CSMD2: variants seen among roughly 807,000 people sequenced by gnomAD.
The protein encoded by CSMD2 is CUB and Sushi multiple domains 2.
Under a neutral mutation model 398.5 loss-of-function variants are expected in CSMD2, and 130 were observed. That is an observed-to-expected ratio of 0.33 (90% CI 0.28 to 0.38). The LOEUF (loss-of-function observed/expected upper bound fraction) is 0.38, where lower values mean the gene tolerates loss of function less well. Ranked by LOEUF, CSMD2 falls within the 10% of genes least tolerant of loss-of-function variation. The pLI is 1.00. For synonymous variants in CSMD2, 1,828 were observed against 1,908.5 expected (o/e 0.96, Z 1.10); for missense variants, 3,829 against 4,764.9 (o/e 0.80, Z 5.78).
At chr1:33,664,929 T>C (rs549257998) in intron 25 of CSMD2, among the ~76,000 whole-genome samples, 7 of 152,328 alleles carry the variant, frequency 4.6e-5, no homozygotes, top group Admixed American at 4.6e-4. Flanking sequence ...TTGATGTTAC[T>C]ATTCTCTCTA....
At chr1:33,662,817 G>T in intron 26 of CSMD2, 73 bp downstream of exon 26, 2 of 1,337,028 alleles carry the variant, frequency 1.5e-6, no homozygotes, top group Non-Finnish European at 2.1e-6. Flanking sequence ...ATGAAGGAAA[G>T]TGAGGGCCAG....
intron 2 of CSMD2, among the ~76,000 whole-genome samples, chr1:34,083,042 G>A (rs1194099997): frequency 2.0e-4 from 30 of 147,536 alleles, no homozygotes; most frequent in Admixed American, 1.7e-3. Context: ...CCCCCTCTCC[G>A]AGAAACACCC....
At chr1:33,610,536 G>A (rs1342800949) in intron 41 of CSMD2, among the ~76,000 whole-genome samples, 1 of 152,198 alleles carries the variant, frequency 6.6e-6, no homozygotes, top group African/African-American at 2.4e-5. Flanking sequence ...CTTCAGAGAG[G>A]TGGAGCTGTG....
intron 15 of CSMD2, among the ~76,000 whole-genome samples, chr1:33,732,454 TC>T (rs772946442): frequency 7.9e-4 from 121 of 152,250 alleles, no homozygotes; most frequent in Non-Finnish European, 1.2e-3. Context: ...AGGACTGGTG[TC>T]CTCATTATAA....
At chr1:33,755,722 G>A (rs1648893647) in intron 13 of CSMD2, among the ~76,000 whole-genome samples, 1 of 152,174 alleles carries the variant, frequency 6.6e-6, no homozygotes, top group South Asian at 2.1e-4. Context: ...CTAGCTCACT[G>A]TAGTCCTGAA....
rs866284377 is a variant in CSMD2, at chr1:34,081,612, G to A, written c.404+7365C>T. Among the ~76,000 whole-genome samples, 113 of 152,134 alleles carry A rather than the reference G, an allele frequency of 7.4e-4. 2 individuals carry two copies. The highest frequency in any genetic ancestry group is 6.2e-4 in the South Asian group (3 of 4,830). On this transcript the variant is annotated intron_variant, in intron 2 of 70. Transcript: ENST00000373381. Reference sequence around the variant, plus strand: ...TTTTGTATTTTTTGGTGGAGACGGGGTTTCGCCGTGTTGGCCGGGCTGGTC... The same window carrying A: ...TTTTGTATTTTTTGGTGGAGACGGGATTTCGCCGTGTTGGCCGGGCTGGTC...
intron 5 of CSMD2, among the ~76,000 whole-genome samples, chr1:33,874,855 C>A (rs1205378305): frequency 6.6e-6 from 1 of 152,208 alleles, no homozygotes; most frequent in Non-Finnish European, 1.5e-5. Flanking sequence ...AATGTATTAT[C>A]TCTAATTAGC....
chr1:34,110,027 C>A (rs7526575), intron 1 of CSMD2, among the ~76,000 whole-genome samples: 50,241 of 120,588 alleles, frequency 0.42, 10,205 homozygotes, highest in East Asian at 0.7. Context: ...GGTGACAGAA[C>A]GAGACTCTGT....
At chr1:33,722,794 T>C (rs1646400993) in intron 19 of CSMD2, among the ~76,000 whole-genome samples, 1 of 152,188 alleles carries the variant, frequency 6.6e-6, no homozygotes, top group African/African-American at 2.4e-5. Context: ...TTTGCCTTTA[T>C]GGATTCTACC....
chr1:33,829,454 A>C (rs1016637211), intron 6 of CSMD2, among the ~76,000 whole-genome samples: 6 of 152,176 alleles, frequency 3.9e-5, no homozygotes, highest in African/African-American at 1.4e-4. Flanking sequence ...GTTTTGTTAC[A>C]TATATATACA....
intron 1 of CSMD2, among the ~76,000 whole-genome samples, chr1:34,091,406 T>G (rs1162670397): frequency 2.0e-5 from 3 of 152,172 alleles, no homozygotes; most frequent in Non-Finnish European, 4.4e-5. Context: ...CATCTCCATT[T>G]TACAGACGAA....
intron 6 of CSMD2, among the ~76,000 whole-genome samples, chr1:33,827,384 C>T (rs1422155174): frequency 1.3e-5 from 2 of 152,186 alleles, no homozygotes; most frequent in African/African-American, 4.8e-5. Flanking sequence ...TACAATATGC[C>T]AGGCATGCTT....
intron 3 of CSMD2, among the ~76,000 whole-genome samples, chr1:33,990,471 AAC>A (rs1442006787): frequency 6.6e-6 from 1 of 152,084 alleles, no homozygotes; most frequent in Non-Finnish European, 1.5e-5. Context: ...TGTTGCACGA[AAC>A]ACATTACTCT....
chr1:33,551,849 T>C (rs1390599006), intron 55 of CSMD2, among the ~76,000 whole-genome samples: 1 of 152,216 alleles, frequency 6.6e-6, no homozygotes, highest in East Asian at 1.9e-4. Flanking sequence ...TGGCAGCTTC[T>C]ACCTTCCCTG....
At chr1:33,847,920 A>T (rs1296028344) in intron 5 of CSMD2, among the ~76,000 whole-genome samples, 1 of 152,178 alleles carries the variant, frequency 6.6e-6, no homozygotes, top group African/African-American at 2.4e-5. Flanking sequence ...GCTGTCAGTA[A>T]CGGCAGCTGC....
At chr1:33,674,419 A>G (rs1012601595) in intron 25 of CSMD2, among the ~76,000 whole-genome samples, 61 of 152,274 alleles carry the variant, frequency 4.0e-4, no homozygotes, top group Admixed American at 2.5e-3. Context: ...TATCCTAAAT[A>G]TATATGCACC....
intron 25 of CSMD2, among the ~76,000 whole-genome samples, chr1:33,677,874 C>T (rs1325439928): frequency 3.4e-5 from 5 of 146,442 alleles, no homozygotes; most frequent in South Asian, 2.2e-4. Flanking sequence ...AACCAAACAC[C>T]GCATGTTCTC....
chr1:33,556,214 T>G (rs550616990), intron 55 of CSMD2, among the ~76,000 whole-genome samples: 2 of 152,314 alleles, frequency 1.3e-5, no homozygotes, highest in Admixed American at 1.3e-4. Context: ...TTGAGTCCAC[T>G]AGGGGCTGTG....
chr1:33,663,214 GC>G, intron 25 of CSMD2, 122 bp from the exon 26 acceptor site: 1 of 765,764 alleles, frequency 1.3e-6, no homozygotes, highest in Non-Finnish European at 2.1e-6. Context: ...AACCTCCGAA[GC>G]CCAGCAGGAG....
Sources: gnomAD v4.1 joint callset for allele counts (sites outside exome capture counted in the v4.1 genomes callset) on GRCh38, gnomAD v4.1.1 for gene constraint, MANE v1.5 for transcripts, NCBI Gene and HGNC (gene_info 2026-07-23, HGNC 2026-07-21) for gene names.